DLG2: variants seen among roughly 807,000 people sequenced by gnomAD.
DLG2 encodes disks large homolog 2.
DLG2 carries 45 observed loss-of-function variants against 132.5 expected under a neutral mutation model. The observed-to-expected ratio is 0.34, with a 90% confidence interval of 0.27 to 0.44. DLG2 has a LOEUF of 0.44. Ranked by LOEUF, DLG2 falls within the 20% of genes least tolerant of loss-of-function variation. DLG2 has a pLI of 1.00. For missense variants in DLG2, 1,045 were observed against 1,196.9 expected (o/e 0.87, Z 1.87); for synonymous variants, 424 against 419.6 (o/e 1.01, Z -0.13).
At chr11:84,426,138 A>C (rs1190572492) in intron 7 of DLG2, among the ~76,000 whole-genome samples, 1 of 152,186 alleles carries the variant, frequency 6.6e-6, no homozygotes, top group Non-Finnish European at 1.5e-5. Context: ...TACCAAAGAC[A>C]TTAATGGTAG....
chr11:85,220,406 G>A (rs1379164490), intron 4 of DLG2, among the ~76,000 whole-genome samples: 1 of 152,014 alleles, frequency 6.6e-6, no homozygotes, highest in Non-Finnish European at 1.5e-5. Flanking sequence ...GAGTAAGAGT[G>A]TGCCTGGGGA....
chr11:84,108,674 TAA>T lies in DLG2; in HGVS notation c.625-9629_625-9628del, dbSNP rs537663549. ...GCAGGGGGTCAGACACTGGGGACAG[TAA>T]GTTTTTGGGTCATAAAAGGCTTAAA... On this transcript the variant is annotated intron_variant, in intron 9 of 27. Transcript: ENST00000376104. Among the ~76,000 whole-genome samples, 7 of 152,262 alleles carry T rather than the reference TAA, an allele frequency of 4.6e-5. 1 individual carries two copies. The South Asian group carries it at 1.0e-3, about 23-fold the overall frequency.
At chr11:85,397,211 T>C (rs758542061) in intron 3 of DLG2, among the ~76,000 whole-genome samples, 21 of 152,172 alleles carry the variant, frequency 1.4e-4, no homozygotes, top group Non-Finnish European at 2.8e-4. Context: ...TAAAATCCTT[T>C]ACAGACAAGT....
At chr11:83,945,261 G>A (rs1303750943) in intron 14 of DLG2, among the ~76,000 whole-genome samples, 1 of 152,160 alleles carries the variant, frequency 6.6e-6, no homozygotes. Flanking sequence ...GGGCAACAGA[G>A]GGAGACTGTC....
chr11:83,760,365 G>A (rs1034032597), intron 18 of DLG2, among the ~76,000 whole-genome samples: 2 of 152,166 alleles, frequency 1.3e-5, no homozygotes, highest in Admixed American at 6.5e-5. Flanking sequence ...GCTGCATAGT[G>A]CAAAAGCTGA....
At chr11:83,724,856 C>T (rs2089668304) in intron 18 of DLG2, 1 of 702,324 alleles carries the variant, frequency 1.4e-6, no homozygotes, top group Admixed American at 2.0e-5. Flanking sequence ...TGATTCTCAC[C>T]ACAGCTCTTT....
chr11:84,033,186 A>T (rs1259411610), intron 11 of DLG2, among the ~76,000 whole-genome samples: 1 of 152,182 alleles, frequency 6.6e-6, no homozygotes, highest in South Asian at 2.1e-4. Context: ...AGCTGCCATA[A>T]ATTGTGATTC....
At chr11:85,537,500 G>C (rs2075672813) in intron 3 of DLG2, among the ~76,000 whole-genome samples, 7 of 151,340 alleles carry the variant, frequency 4.6e-5, no homozygotes, top group Non-Finnish European at 1.5e-5. Flanking sequence ...AACAACTCCA[G>C]ACAGGAGGGA....
intron 11 of DLG2, among the ~76,000 whole-genome samples, chr11:84,010,870 G>A (rs184081120): frequency 3.8e-4 from 58 of 152,220 alleles, no homozygotes; most frequent in Non-Finnish European, 6.5e-4. Context: ...TAATTTTAAT[G>A]TGTAAACTGG....
intron 3 of DLG2, among the ~76,000 whole-genome samples, chr11:85,425,965 A>G (rs1462869683): frequency 6.6e-6 from 1 of 152,236 alleles, no homozygotes; most frequent in East Asian, 1.9e-4. Flanking sequence ...CAACGGTCTT[A>G]GCAAACAGCA....
At chr11:84,039,218 A>AT (rs564403771) in intron 11 of DLG2, among the ~76,000 whole-genome samples, 20 of 147,498 alleles carry the variant, frequency 1.4e-4, no homozygotes, top group African/African-American at 2.2e-4. Flanking sequence ...TTTCTAGTTA[A>AT]TTTTTTTTTT....
intron 6 of DLG2, among the ~76,000 whole-genome samples, chr11:85,025,907 C>A (rs1207366809): frequency 6.6e-6 from 1 of 151,760 alleles, no homozygotes; most frequent in Non-Finnish European, 1.5e-5. Flanking sequence ...GTTTTAGATA[C>A]ACATGATTAT....
chr11:84,166,551 A>G (rs1172768622), intron 8 of DLG2, among the ~76,000 whole-genome samples: 1 of 151,862 alleles, frequency 6.6e-6, no homozygotes, highest in Non-Finnish European at 1.5e-5. Flanking sequence ...AGAAAAAAAC[A>G]ATACCTCGAT....
chr11:84,384,329 CT>C (rs1486627883), intron 7 of DLG2, among the ~76,000 whole-genome samples: 4 of 151,982 alleles, frequency 2.6e-5, no homozygotes, highest in Admixed American at 2.0e-4. Flanking sequence ...GAAAATGCAA[CT>C]TTAAAAGACT....
intron 9 of DLG2, among the ~76,000 whole-genome samples, chr11:84,099,326 AACTT>A (rs1595213474): frequency 5.3e-5 from 8 of 152,190 alleles, no homozygotes; most frequent in Admixed American, 4.6e-4. Flanking sequence ...AGGAAATAAA[AACTT>A]ACAAATTGTG....
intron 7 of DLG2, among the ~76,000 whole-genome samples, chr11:84,397,080 T>A (rs934535399): frequency 2.0e-5 from 3 of 152,192 alleles, no homozygotes; most frequent in Non-Finnish European, 2.9e-5. Context: ...TTACAGTGTC[T>A]TTCCTGTTAA....
At chr11:85,282,147 TA>T (rs988488273) in intron 4 of DLG2, among the ~76,000 whole-genome samples, 2 of 151,332 alleles carry the variant, frequency 1.3e-5, no homozygotes, top group African/African-American at 2.4e-5. Flanking sequence ...ATATGGAAGC[TA>T]AAAAAAATAA....
rs555565775 is a variant in DLG2 at position 83,696,456 on chromosome 11, CCAGT to C, written c.1826-63135_1826-63132del. Among the ~76,000 whole-genome samples, 140 of 152,190 alleles carry C rather than the reference CCAGT, an allele frequency of 9.2e-4. 1 individual carries two copies. Among genetic ancestry groups the C allele is most frequent in the South Asian group, 8.9e-3 (43 of 4,814 alleles). On this transcript the variant is annotated intron_variant, in intron 18 of 27. Transcript: ENST00000376104. ...ATTATTTACTCATTAGGTAAGCCAG[CCAGT>C]CAGTCAGTCAGTAAAGGCACTCATT...
chr11:83,655,341 T>A (rs950994018), intron 18 of DLG2, among the ~76,000 whole-genome samples: 1 of 152,192 alleles, frequency 6.6e-6, no homozygotes, highest in African/African-American at 2.4e-5. Flanking sequence ...TTGAAGAATA[T>A]CCATTGGAAT....
Sources: allele counts gnomAD v4.1 joint callset (sites outside exome capture counted in the v4.1 genomes callset), GRCh38; gene constraint gnomAD v4.1.1; transcripts MANE v1.5; gene names NCBI Gene and HGNC (gene_info 2026-07-23, HGNC 2026-07-21).